The following ZFYVE28 variants were observed in gnomAD, a reference collection of about 807,000 sequenced individuals.
The protein encoded by ZFYVE28 is lateral signaling target protein 2 homolog.
A neutral mutation model predicts 82.1 loss-of-function variants in ZFYVE28; 40 were observed. The ratio of observed to expected loss-of-function variants is 0.49; its 90% confidence interval spans 0.38 to 0.63. The LOEUF (loss-of-function observed/expected upper bound fraction) is 0.63. Ranked by LOEUF, ZFYVE28 falls within the 30% of genes least tolerant of loss-of-function variation. ZFYVE28 has a pLI of 0.00. For missense variants in ZFYVE28, 1,321 were observed against 1,242.1 expected (o/e 1.06, Z -0.96); for synonymous variants, 612 against 546.1 (o/e 1.12, Z -1.68).
At position 2,394,296 on chromosome 4, in the gene ZFYVE28, A is replaced by G. The variant is rs558478342; in HGVS notation, c.39+23989T>C. 6.6e-6 allele frequency among the ~76,000 whole-genome samples: 1 copy of G among 152,092 alleles called. No individual in the cohort carries two copies. The highest frequency in any genetic ancestry group is 1.5e-5 in the Non-Finnish European group (1 of 68,016). ...CCTCATAGATTCATGGGTTCCAGGG[A>G]TTCACACATGGACACCTTTGGGGGC... On this transcript the variant is annotated intron_variant, in intron 1 of 12. Transcript: ENST00000290974. This position sits in a 1 kb window ranked among gnomAD's most constrained non-coding sequence, Gnocchi z 4.0.
chr4:2,273,990 C>A, intron 9 of ZFYVE28, 72 bp downstream of exon 9: 2 of 1,549,144 alleles, frequency 1.3e-6, no homozygotes. Flanking sequence ...GTACACGCCC[C>A]GCCTGACCTC....
chr4:2,329,474 G>A (rs986322569), intron 6 of ZFYVE28, among the ~76,000 whole-genome samples: 2 of 152,076 alleles, frequency 1.3e-5, no homozygotes, highest in African/African-American at 4.8e-5. Flanking sequence ...TACAACATGG[G>A]GGAAACTTGA....
rs1219593939 is a variant in ZFYVE28 at position 2,304,234 on chromosome 4, C to T, written c.2051+55G>A. The T allele has an allele frequency of 2.7e-6, 4 of 1,502,394 alleles. No homozygotes were observed. The African/African-American group carries it at 4.2e-5, about 16-fold the overall frequency. The allele number at this position is 1,502,394 out of a possible 1,614,324, so 93.1% of individuals were successfully genotyped here. ...CAATGCTTGGAGAATGCGCCAGCAC[C>T]TGCCCCCCAGTGCAGAGAGGACAAA... On this transcript the variant is annotated intron_variant, in intron 8 of 12. Coordinates refer to ENST00000290974, the MANE Select transcript of ZFYVE28 (RefSeq NM_020972.3).
In ZFYVE28 at chr4:2,403,782, T is replaced by C. The variant is rs145900074; in HGVS notation, c.39+14503A>G. On this transcript the variant is annotated intron_variant, in intron 1 of 12. Coordinates refer to ENST00000290974, the MANE Select transcript of ZFYVE28 (RefSeq NM_020972.3). The stretch of plus-strand genomic sequence containing the variant: ...GAATTCGACACCAGCCTGGCCAACA[T>C]GGTGAAACCCCGTCTCTACTAAAAA... Among the ~76,000 whole-genome samples, 1,020 of 151,682 alleles carry C rather than the reference T, an allele frequency of 6.7e-3. 17 individuals carry two copies. Among genetic ancestry groups the C allele is most frequent in the African/African-American group, 0.023 (968 of 41,330 alleles).
rs779890606 is a variant in ZFYVE28, at chr4:2,273,282, A to C, written c.2214T>G (p.Ala738=). 3 of 1,611,758 alleles carry C rather than the reference A, an allele frequency of 1.9e-6. No homozygotes were observed. The highest frequency in any genetic ancestry group is 2.5e-6 in the Non-Finnish European group (3 of 1,179,534). ...HRLFVCISGV[A]DQLQTNYASD... ...TGGCATAGTTCGTCTGCAGCTGGTC[A>C]GCCACACCTGAGGAAGGAAGGCCAC... is the stretch of plus-strand genomic sequence containing the variant. The change falls in exon 10 of 13, where the codon GCT becomes GCG. Residue 738 remains alanine, a synonymous_variant. Coordinates refer to ENST00000290974, the MANE Select transcript of ZFYVE28 (RefSeq NM_020972.3).
chr4:2,277,428 T>C (rs962806529), intron 8 of ZFYVE28, among the ~76,000 whole-genome samples: 13 of 152,012 alleles, frequency 8.6e-5, no homozygotes, highest in Admixed American at 6.5e-5. Flanking sequence ...TGCACTGAGC[T>C]GAGATCGTGC....
At chr4:2,347,208 A>G (rs890903529) in intron 2 of ZFYVE28, among the ~76,000 whole-genome samples, 1 of 152,232 alleles carries the variant, frequency 6.6e-6, no homozygotes, top group African/African-American at 2.4e-5. Flanking sequence ...ATAATAATAA[A>G]GGGTTCAATT....
chr4:2,271,210 G>T, intron 12 of ZFYVE28, 101 bp downstream of exon 12: 4 of 1,250,990 alleles, frequency 3.2e-6, no homozygotes, highest in Non-Finnish European at 4.5e-6. Context: ...CACAGGCCTC[G>T]CTGGCCTCCC....
Position 2,341,499 on chromosome 4 carries a change from G to A in ZFYVE28, c.297C>T (p.Gly99=). ...CTACCTCGGCACCGAACCACAGCTG[G>A]CCGGCCAGGTTGTCGTGCCGGATCT... ...PEEIRHDNLA[G]QLWFGAECLA... The change falls in exon 3 of 13, where the codon GGC becomes GGT. Residue 99 remains glycine, a synonymous_variant. Transcript: ENST00000290974. The surrounding 1 kb of genome is among the most constrained non-coding windows in gnomAD (Gnocchi z 4.5). 6.2e-7 allele frequency: 1 copy of A among 1,613,682 alleles called. No homozygotes were observed. Among genetic ancestry groups the A allele is most frequent in the South Asian group, 1.1e-5 (1 of 91,054 alleles).
chr4:2,308,697 GAAAAGAA>G lies in ZFYVE28; in HGVS notation c.804-3168_804-3162del, dbSNP rs746318088. On this transcript the variant is annotated intron_variant, in intron 7 of 12. Transcript: ENST00000290974. ...AGAAAGAGAAAGAAAGAAAAGAAAAGAAAAGAAAAAAGAAAAGAAAAGAAAGAAAAAA... is the reference window on the plus strand; with the variant it reads ...AGAAAGAGAAAGAAAGAAAAGAAAAGAAAAGAAAAGAAAAGAAAGAAAAAA... Among the ~76,000 whole-genome samples, 590 of 124,070 alleles carry G rather than the reference GAAAAGAA, an allele frequency of 4.8e-3. 5 individuals carry two copies. Among genetic ancestry groups the G allele is most frequent in the African/African-American group, 0.019 (556 of 29,302 alleles). 81.4% of individuals were successfully genotyped at this position (124,070 alleles called of 152,430 possible).
At chr4:2,328,915 G>T in intron 6 of ZFYVE28, 1 of 411,358 alleles carries the variant, frequency 2.4e-6, no homozygotes, top group Non-Finnish European at 4.3e-6. Context: ...TGGCCCCCTT[G>T]TCAATAATCA....
chr4:2,401,424 T>C (rs913042867), intron 1 of ZFYVE28, among the ~76,000 whole-genome samples: 67 of 152,250 alleles, frequency 4.4e-4, no homozygotes, highest in Admixed American at 8.5e-4. Context: ...GCCTGTGCAG[T>C]AGGTGGCCCA....
chr4:2,327,530 T>C (rs775233409), intron 6 of ZFYVE28, among the ~76,000 whole-genome samples: 19 of 151,824 alleles, frequency 1.3e-4, no homozygotes, highest in Non-Finnish European at 2.4e-4. Flanking sequence ...TTGTTATATA[T>C]GGCCTTTATT....
At chr4:2,331,981 G>A (rs1466815315) in intron 6 of ZFYVE28, among the ~76,000 whole-genome samples, 1 of 152,236 alleles carries the variant, frequency 6.6e-6, no homozygotes, top group Admixed American at 6.5e-5. Flanking sequence ...GCCGCCTCCA[G>A]CTGTTGACCC....
chr4:2,413,533 C>T (rs902905065), intron 1 of ZFYVE28, among the ~76,000 whole-genome samples: 2 of 152,202 alleles, frequency 1.3e-5, no homozygotes, highest in Non-Finnish European at 2.9e-5. Flanking sequence ...CCGTGCCAGG[C>T]GCCCGCCAGG....
intron 8 of ZFYVE28, among the ~76,000 whole-genome samples, chr4:2,301,581 A>G (rs945698232): frequency 1.3e-5 from 2 of 152,110 alleles, no homozygotes; most frequent in Admixed American, 1.3e-4. Flanking sequence ...TGTGTCCATC[A>G]TGGGGCACAG....
chr4:2,305,747 G>A (rs1461241270), intron 7 of ZFYVE28, among the ~76,000 whole-genome samples: 1 of 152,224 alleles, frequency 6.6e-6, no homozygotes, highest in Non-Finnish European at 1.5e-5. Flanking sequence ...TGTTCAAGGT[G>A]GCCGGCTGGG....
At chr4:2,290,829 C>G (rs889280309) in intron 8 of ZFYVE28, among the ~76,000 whole-genome samples, 1 of 152,134 alleles carries the variant, frequency 6.6e-6, no homozygotes, top group Non-Finnish European at 1.5e-5. Context: ...ATAATCTGGT[C>G]CCTCCTGGCC....
intron 6 of ZFYVE28, chr4:2,330,141 C>G: frequency 2.4e-6 from 1 of 411,638 alleles, no homozygotes; most frequent in Non-Finnish European, 3.3e-6. Context: ...TGGAGGTGAC[C>G]GCTCAGGAGT....
Sources: allele counts gnomAD v4.1 joint callset (sites outside exome capture counted in the v4.1 genomes callset), GRCh38; gene constraint gnomAD v4.1.1; non-coding constraint Gnocchi (gnomAD v3.1); transcripts MANE v1.5; gene names NCBI Gene and HGNC (gene_info 2026-07-23, HGNC 2026-07-21).